Variants in PTPRG observed in about 807,000 individuals in gnomAD.
The protein encoded by PTPRG is protein tyrosine phosphatase receptor type G, also known as receptor-type tyrosine-protein phosphatase gamma.
In PTPRG, 102 loss-of-function variants were observed where a neutral mutation model predicts 165.3. That is an observed-to-expected ratio of 0.62 (90% CI 0.53 to 0.73). The LOEUF (loss-of-function observed/expected upper bound fraction) is 0.73, where lower values mean the gene tolerates loss of function less well. PTPRG is among the 30% of genes least tolerant of loss of function. The pLI, the probability that PTPRG is intolerant of heterozygous loss-of-function variation, is 0.00. For missense variants in PTPRG, 1,866 were observed against 1,861.4 expected, an observed-to-expected ratio of 1.00 and a Z score of -0.05; for synonymous variants, 675 against 669.5, an observed-to-expected ratio of 1.01 and a Z score of -0.13.
rs1704347551 is a variant in PTPRG, at chr3:62,151,842, T to A, written c.683-5225T>A. Among the ~76,000 whole-genome samples the A allele has an allele frequency of 2.6e-5, 4 of 152,112 alleles. No homozygotes were observed. The South Asian group carries it at 8.3e-4, about 32-fold the overall frequency. On this transcript the variant is annotated intron_variant, in intron 6 of 29. Transcript: ENST00000474889. ...CTTATTTAACAAGCACTATGCATGCTTACTGTGTCAAGCGCTCTCCTAAGC... is the reference window on the plus strand; with the variant it reads ...CTTATTTAACAAGCACTATGCATGCATACTGTGTCAAGCGCTCTCCTAAGC...
chr3:62,089,313 G>A (rs2106790079), intron 5 of PTPRG, among the ~76,000 whole-genome samples: 1 of 152,290 alleles, frequency 6.6e-6, no homozygotes, highest in South Asian at 2.1e-4. Flanking sequence ...GGCAAACTTG[G>A]AAGAAACTTA....
At chr3:61,745,702 A>G (rs567821034) in intron 1 of PTPRG, among the ~76,000 whole-genome samples, 1 of 152,308 alleles carries the variant, frequency 6.6e-6, no homozygotes, top group East Asian at 1.9e-4. Flanking sequence ...CTCAAGTCCA[A>G]TTCCTTATAC....
chr3:62,082,179 A>C (rs545770100), intron 5 of PTPRG, among the ~76,000 whole-genome samples: 1 of 152,320 alleles, frequency 6.6e-6, no homozygotes, highest in South Asian at 2.1e-4. Context: ...GATTTACTTC[A>C]TGTACTAGAA....
intron 13 of PTPRG, among the ~76,000 whole-genome samples, chr3:62,225,717 G>A (rs1392242435): frequency 6.7e-6 from 1 of 150,132 alleles, no homozygotes; most frequent in Admixed American, 6.7e-5. Flanking sequence ...GTGCAATGGT[G>A]TGATCTCGGC....
At chr3:61,617,482 A>G (rs566604915) in intron 1 of PTPRG, among the ~76,000 whole-genome samples, 2 of 152,326 alleles carry the variant, frequency 1.3e-5, no homozygotes, top group South Asian at 4.1e-4. Context: ...TATACTTTCA[A>G]GAAGATAGTG....
intron 1 of PTPRG, among the ~76,000 whole-genome samples, chr3:61,611,703 C>T (rs921683579): frequency 2.6e-5 from 4 of 152,186 alleles, no homozygotes; most frequent in Non-Finnish European, 5.9e-5. Flanking sequence ...CTCAGTTGGA[C>T]ATACTCACTG....
intron 2 of PTPRG, among the ~76,000 whole-genome samples, chr3:61,798,798 T>C (rs564450993): frequency 7.4e-4 from 112 of 152,150 alleles, no homozygotes; most frequent in African/African-American, 2.5e-3. Flanking sequence ...GACTAGTGAA[T>C]GAAATGTTCT....
intron 4 of PTPRG, among the ~76,000 whole-genome samples, chr3:62,029,351 C>T (rs150022612): frequency 2.6e-5 from 4 of 152,226 alleles, no homozygotes; most frequent in Admixed American, 1.3e-4. Context: ...TTCAAATGTG[C>T]GTCCCAGAAA....
rs78402502 is a variant in PTPRG, at chr3:61,564,212, C to T, written c.85+1840C>T. ...TCCTTTCTAGTCTCCCCTGCTTTAC[C>T]ACGGACTTGACGACTGAGCGGGCTC... On this transcript the variant is annotated intron_variant, in intron 1 of 29. Coordinates refer to ENST00000474889, the MANE Select transcript of PTPRG (RefSeq NM_002841.4). Among the ~76,000 whole-genome samples the T allele has an allele frequency of 1.8e-3, 281 of 152,334 alleles. 2 individuals are homozygous for T. Among genetic ancestry groups the T allele is most frequent in the African/African-American group, 6.5e-3 (271 of 41,590 alleles).
At chr3:62,192,501 C>T (rs568382579) in intron 9 of PTPRG, among the ~76,000 whole-genome samples, 44 of 148,538 alleles carry the variant, frequency 3.0e-4, no homozygotes, top group Non-Finnish European at 5.8e-4. Flanking sequence ...CTCCACCTCC[C>T]GGGTTCATGC....
intron 8 of PTPRG, among the ~76,000 whole-genome samples, chr3:62,169,112 G>A (rs2106737834): frequency 6.6e-6 from 1 of 152,142 alleles, no homozygotes; most frequent in Admixed American, 6.5e-5. Context: ...GTTTATATGG[G>A]TACAGGATAG....
intron 2 of PTPRG, among the ~76,000 whole-genome samples, chr3:61,952,783 C>T (rs1382130287): frequency 2.0e-5 from 3 of 152,256 alleles, no homozygotes; most frequent in East Asian, 3.9e-4. Flanking sequence ...AATTAATCAT[C>T]AGCCAGCTCC....
chr3:61,612,465 A>G (rs542092006), intron 1 of PTPRG, among the ~76,000 whole-genome samples: 4 of 152,296 alleles, frequency 2.6e-5, no homozygotes, highest in African/African-American at 9.6e-5. Context: ...AGTTCTCGGC[A>G]GTACTGCATG....
chr3:61,682,049 T>A (rs1703459249), intron 1 of PTPRG, among the ~76,000 whole-genome samples: 1 of 148,660 alleles, frequency 6.7e-6, no homozygotes, highest in South Asian at 2.1e-4. Context: ...TATGGGAGGC[T>A]GAGGCAGGAG....
At chr3:61,896,479 T>C (rs2038356108) in intron 2 of PTPRG, among the ~76,000 whole-genome samples, 1 of 152,178 alleles carries the variant, frequency 6.6e-6, no homozygotes, top group African/African-American at 2.4e-5. Flanking sequence ...CTGATTCCAG[T>C]TTTTGGCTAT....
chr3:61,754,703 G>C (rs1341807703), intron 2 of PTPRG, among the ~76,000 whole-genome samples: 1 of 152,100 alleles, frequency 6.6e-6, no homozygotes, highest in Non-Finnish European at 1.5e-5. Context: ...TTCACTGTTG[G>C]ATCCCTTTAA....
intron 2 of PTPRG, among the ~76,000 whole-genome samples, chr3:61,955,462 G>A (rs1314499196): frequency 6.6e-6 from 1 of 152,122 alleles, no homozygotes; most frequent in Admixed American, 6.5e-5. Flanking sequence ...TGGACTTAGC[G>A]AAAATGTGTG....
At chr3:61,928,760 T>G (rs185437463) in intron 2 of PTPRG, among the ~76,000 whole-genome samples, 4 of 152,338 alleles carry the variant, frequency 2.6e-5, no homozygotes, top group Admixed American at 2.0e-4. Flanking sequence ...TGAAAATGTC[T>G]TATCTCTTTT....
At chr3:61,764,821 GA>G (rs1421357022) in intron 2 of PTPRG, among the ~76,000 whole-genome samples, 1 of 152,208 alleles carries the variant, frequency 6.6e-6, no homozygotes, top group Non-Finnish European at 1.5e-5. Context: ...CTCAAGTGGG[GA>G]CTCTTTCCTT....
Sources: allele counts gnomAD v4.1 joint callset (sites outside exome capture counted in the v4.1 genomes callset), GRCh38; gene constraint gnomAD v4.1.1; transcripts MANE v1.5; gene names NCBI Gene and HGNC (gene_info 2026-07-23, HGNC 2026-07-21).